The following ACTR2 variants were observed in gnomAD, a reference collection of about 807,000 sequenced individuals.
The protein encoded by ACTR2 is actin related protein 2.
In ACTR2, 5 loss-of-function variants were observed where a neutral mutation model predicts 50.2. That is an observed-to-expected ratio of 0.10 (90% CI 0.05 to 0.21). The LOEUF is 0.21. ACTR2 is among the 10% of genes least tolerant of loss of function. The probability of loss-of-function intolerance (pLI) is 1.00; values close to 1 mark genes in which losing one functional copy is unlikely to be tolerated. For synonymous variants in ACTR2, 140 were observed against 162.9 expected, an observed-to-expected ratio of 0.86 and a Z score of 1.07; for missense variants, 180 against 480.6, an observed-to-expected ratio of 0.37 and a Z score of 5.85.
intron 2 of ACTR2, among the ~76,000 whole-genome samples, chr2:65,245,552 C>CT (rs1285363237): frequency 2.6e-5 from 4 of 151,782 alleles, no homozygotes; most frequent in Admixed American, 2.0e-4. Context: ...TTTGCTGCTG[C>CT]TTTTTTTTGT....
chr2:65,228,655 T>A (rs1269664946), intron 1 of ACTR2, among the ~76,000 whole-genome samples: 1 of 152,106 alleles, frequency 6.6e-6, no homozygotes, highest in Non-Finnish European at 1.5e-5. Context: ...AAGACTCAAG[T>A]GTTAATTCCA....
chr2:65,240,325 A>T (rs1671816984), intron 2 of ACTR2, among the ~76,000 whole-genome samples: 1 of 152,144 alleles, frequency 6.6e-6, no homozygotes, highest in African/African-American at 2.4e-5. Context: ...TTGTCATTGT[A>T]TGTGAGTGTC....
At chr2:65,228,706 C>A (rs1046656373) in intron 1 of ACTR2, among the ~76,000 whole-genome samples, 16 of 152,126 alleles carry the variant, frequency 1.1e-4, no homozygotes, top group Non-Finnish European at 1.6e-4. Flanking sequence ...TTATCCCACC[C>A]CCAGCCCCCT....
intron 8 of ACTR2, among the ~76,000 whole-genome samples, chr2:65,267,321 C>T (rs923795769): frequency 2.0e-5 from 3 of 151,898 alleles, no homozygotes; most frequent in African/African-American, 7.3e-5. Context: ...GTATCTGGCC[C>T]TTCACAAAAA....
chr2:65,238,043 C>T (rs551133485), intron 1 of ACTR2, among the ~76,000 whole-genome samples: 93 of 152,008 alleles, frequency 6.1e-4, no homozygotes, highest in African/African-American at 2.1e-3. Flanking sequence ...TGGCACATAC[C>T]TGTAGTCCCA....
intron 7 of ACTR2, 136 bp from the exon 8 acceptor site, chr2:65,264,907 A>G: frequency 1.0e-6 from 1 of 956,712 alleles, no homozygotes; most frequent in South Asian, 1.5e-5. Flanking sequence ...AACAGCAAAT[A>G]TTCAGCCCTG....
intron 5 of ACTR2, among the ~76,000 whole-genome samples, chr2:65,254,566 C>A (rs951648027): frequency 6.6e-6 from 1 of 152,118 alleles, no homozygotes; most frequent in Non-Finnish European, 1.5e-5. Context: ...CTATCCTCTC[C>A]AGGACAGTGG....
chr2:65,228,038 G>A (rs1463806487), intron 1 of ACTR2, 81 bp downstream of exon 1: 12 of 1,336,790 alleles, frequency 9.0e-6, no homozygotes, highest in African/African-American at 1.6e-5. Context: ...TCGGCCCCCA[G>A]GGCTGCACCT....
intron 5 of ACTR2, among the ~76,000 whole-genome samples, chr2:65,254,466 G>C (rs1672110459): frequency 1.3e-5 from 2 of 152,100 alleles, no homozygotes. Flanking sequence ...ACTGGAGAAA[G>C]TACATAAGGT....
intron 1 of ACTR2, among the ~76,000 whole-genome samples, chr2:65,231,759 A>C (rs1214286657): frequency 1.3e-5 from 2 of 152,360 alleles, no homozygotes; most frequent in East Asian, 3.9e-4. Context: ...ATTCTAGGAC[A>C]GGAGTGTCCA....
intron 2 of ACTR2, among the ~76,000 whole-genome samples, chr2:65,241,521 C>T (rs1352238844): frequency 6.6e-6 from 1 of 152,138 alleles, no homozygotes; most frequent in African/African-American, 2.4e-5. Context: ...TGGCTCAATT[C>T]TGTTCACTCT....
chr2:65,238,300 C>A (rs1022763101), intron 1 of ACTR2, among the ~76,000 whole-genome samples: 1 of 152,086 alleles, frequency 6.6e-6, no homozygotes, highest in Non-Finnish European at 1.5e-5. Flanking sequence ...GATATGTTCT[C>A]GGAGCAGTAC....
At chr2:65,246,499 C>A in intron 2 of ACTR2, 25 bp from the exon 3 acceptor site, 1 of 1,511,030 alleles carries the variant, frequency 6.6e-7, no homozygotes, top group Non-Finnish European at 9.0e-7. Flanking sequence ...AAACTTTGAT[C>A]TACAGCTTTG....
At chr2:65,229,176 G>A (rs1280663805) in intron 1 of ACTR2, among the ~76,000 whole-genome samples, 1 of 145,288 alleles carries the variant, frequency 6.9e-6, no homozygotes, top group Non-Finnish European at 1.6e-5. Context: ...ATTAGAAGAT[G>A]GAAATATTAT....
chr2:65,238,637 C>T (rs541747772), intron 1 of ACTR2, among the ~76,000 whole-genome samples: 3 of 128,468 alleles, frequency 2.3e-5, no homozygotes, highest in Non-Finnish European at 4.7e-5. Context: ...CCACCCTGGG[C>T]GACAGAGCGA....
intron 1 of ACTR2, among the ~76,000 whole-genome samples, chr2:65,235,490 C>T (rs749388472): frequency 2.0e-5 from 3 of 152,200 alleles, no homozygotes; most frequent in Non-Finnish European, 2.9e-5. Context: ...GGTGCCGTGG[C>T]TCACGCCTGT....
chr2:65,232,903 G>T (rs1671666948), intron 1 of ACTR2, among the ~76,000 whole-genome samples: 1 of 152,102 alleles, frequency 6.6e-6, no homozygotes, highest in Admixed American at 6.6e-5. Flanking sequence ...GATTGACATG[G>T]GGGAGGAATT....
intron 2 of ACTR2, among the ~76,000 whole-genome samples, chr2:65,243,050 G>A (rs996447690): frequency 2.6e-5 from 4 of 152,180 alleles, no homozygotes; most frequent in African/African-American, 7.2e-5. Context: ...GGAGGCCCAG[G>A]CGGGTGGATC....
At chr2:65,244,570 A>T (rs1229200263) in intron 2 of ACTR2, among the ~76,000 whole-genome samples, 1 of 152,210 alleles carries the variant, frequency 6.6e-6, no homozygotes, top group African/African-American at 2.4e-5. Flanking sequence ...ATACCAGTAT[A>T]CTTCTCCCTG....
Sources: allele counts gnomAD v4.1 joint callset (sites outside exome capture counted in the v4.1 genomes callset), GRCh38; gene constraint gnomAD v4.1.1; transcripts MANE v1.5; gene names NCBI Gene and HGNC (gene_info 2026-07-23, HGNC 2026-07-21).